PHKA2: variants seen among roughly 807,000 people sequenced by gnomAD.
PHKA2 encodes phosphorylase b kinase regulatory subunit alpha, liver isoform.
In PHKA2, 31 loss-of-function variants were observed where a neutral mutation model predicts 102.0. The observed-to-expected ratio is 0.30, with a 90% confidence interval of 0.23 to 0.41. The LOEUF is 0.41. Among genes scored for constraint, PHKA2 ranks in the 10% least tolerant of loss-of-function variants. The probability of loss-of-function intolerance (pLI) is 1.00; values close to 1 mark genes in which losing one functional copy is unlikely to be tolerated. For synonymous variants in PHKA2, 455 were observed against 416.2 expected, an observed-to-expected ratio of 1.09 and a Z score of -1.13; for missense variants, 858 against 1,023.1, an observed-to-expected ratio of 0.84 and a Z score of 2.20.
chrX:18,908,700 T>C, intron 21 of PHKA2, 101 bp downstream of exon 21: 1 of 784,029 alleles, frequency 1.3e-6, no homozygotes, highest in Non-Finnish European at 1.9e-6. Context: ...GAGTTTCAAC[T>C]TCCCAGCCTC....
chrX:18,951,082 G>C (rs1234470948), intron 4 of PHKA2, 22 bp downstream of exon 4: 1 of 1,206,771 alleles, frequency 8.3e-7, no homozygotes, highest in South Asian at 1.8e-5. Flanking sequence ...TTATACAATG[G>C]GCTCCAGCAA....
At chrX:18,969,396 G>A (rs2048989268) in intron 1 of PHKA2, among the ~76,000 whole-genome samples, 1 of 111,730 alleles carries the variant, frequency 9.0e-6, no homozygotes, top group Non-Finnish European at 1.9e-5. Context: ...ACTTCGGTGT[G>A]CAGCGGAAGT....
rs1407323782 is a variant in PHKA2 at position 18,892,627 on chromosome X, C to T, written c.*858G>A. ...CTGCTGACTTGTGCTCACCCTATGACGCCTCGCCCAGAGCACAGGAGGACA... is the reference window on the plus strand; with the variant it reads ...CTGCTGACTTGTGCTCACCCTATGATGCCTCGCCCAGAGCACAGGAGGACA... On this transcript the variant is annotated 3_prime_UTR_variant, in exon 33 of 33. Transcript: ENST00000379942. 1.4e-4 allele frequency: 16 copies of T among 112,399 alleles called. No homozygotes were observed. The highest frequency in any genetic ancestry group is 2.6e-4 in the Non-Finnish European group (14 of 53,342). 9.3% of individuals were successfully genotyped at this position (112,399 alleles called of 1,213,427 possible). A position where few individuals can be genotyped will look rare whatever the true frequency, so the allele number is the denominator to read the frequency against.
Position 18,951,189 on chromosome X carries a change from C to G in PHKA2, c.369G>C (p.Thr123=), listed in dbSNP as rs762945500. 8 of 1,209,510 alleles carry G rather than the reference C, an allele frequency of 6.6e-6. No homozygotes were observed. The African/African-American group carries it at 8.7e-5, about 13-fold the overall frequency. ...HAKYNTATCG[T]VVGDDQWGHL... ...GGCCCCACTGGTCGTCGCCCACCACCGTGCCACAGGTGGCGGTGTTGTACT... is the reference window on the plus strand; with the variant it reads ...GGCCCCACTGGTCGTCGCCCACCACGGTGCCACAGGTGGCGGTGTTGTACT... The change falls in exon 4 of 33, where the codon ACG becomes ACC. Residue 123 remains threonine, a synonymous_variant. Coordinates refer to ENST00000379942, the MANE Select transcript of PHKA2 (RefSeq NM_000292.3).
chrX:18,952,183 TAC>T (rs1185846195), intron 3 of PHKA2, among the ~76,000 whole-genome samples: 1 of 31,052 alleles, frequency 3.2e-5, no homozygotes, highest in African/African-American at 1.4e-4. Context: ...ATATTGTATC[TAC>T]AAAAAAAAAA....
intron 11 of PHKA2, among the ~76,000 whole-genome samples, chrX:18,933,294 G>A (rs1857141561): frequency 8.9e-6 from 1 of 112,214 alleles, no homozygotes; most frequent in Non-Finnish European, 1.9e-5. Flanking sequence ...ACTGCCCACA[G>A]GTCCTCAAAG....
chrX:18,936,345 G>A (rs760603905), intron 10 of PHKA2, among the ~76,000 whole-genome samples, 195 bp from the exon 11 acceptor site: 10 of 111,867 alleles, frequency 8.9e-5, no homozygotes, highest in Admixed American at 5.7e-4. Flanking sequence ...AAACACGATC[G>A]GCTATTCCTC....
At chrX:18,959,608 A>C (rs1569331463) in intron 1 of PHKA2, among the ~76,000 whole-genome samples, 1 of 111,413 alleles carries the variant, frequency 9.0e-6, no homozygotes, top group African/African-American at 3.3e-5. Context: ...CATTCATATA[A>C]ATTTTCTCTG....
At chrX:18,927,960 T>C (rs1249699089) in intron 13 of PHKA2, among the ~76,000 whole-genome samples, 3 of 112,331 alleles carry the variant, frequency 2.7e-5, no homozygotes, top group African/African-American at 9.7e-5. Context: ...TTTCTGAAAC[T>C]GCACTTCCCC....
chrX:18,965,267 G>A (rs1051930730), intron 1 of PHKA2, among the ~76,000 whole-genome samples: 1 of 111,638 alleles, frequency 9.0e-6, no homozygotes, highest in African/African-American at 3.3e-5. Flanking sequence ...TTACTGAGAT[G>A]TAAGTCCTGA....
In PHKA2 at chrX:18,895,144, G is replaced by A. The variant is rs749097024; in HGVS notation, c.3330C>T (p.Thr1110=). The change falls in exon 31 of 33, where the codon ACC becomes ACT. Residue 1110 remains threonine, a synonymous_variant. Transcript: ENST00000379942. ...IDGYVLPSST[T]REMTPHEIKF... ...TGCGTTTTTCTCATCGTACCTCTCG[G>A]GTCGTCGAGGATGGGAGGACATAAC... 13 of 1,209,086 alleles carry A rather than the reference G, an allele frequency of 1.1e-5. No individual in the cohort carries two copies. Among genetic ancestry groups the A allele is most frequent in the Non-Finnish European group, 1.5e-5 (13 of 894,315 alleles).
chrX:18,918,921 T>G, intron 18 of PHKA2, 67 bp from the exon 19 acceptor site: 1 of 973,600 alleles, frequency 1.0e-6, no homozygotes, highest in South Asian at 1.9e-5. Flanking sequence ...TACACAATAG[T>G]GACCATGGGT....
intron 23 of PHKA2, 73 bp from the exon 24 acceptor site, chrX:18,906,887 C>G: frequency 9.7e-7 from 1 of 1,033,170 alleles, no homozygotes; most frequent in Non-Finnish European, 1.4e-6. Flanking sequence ...CCATGGAACA[C>G]CCTTATTTTC....
Position 18,901,520 on chromosome X carries a change from T to A in PHKA2, c.2992A>T (p.Ser998Cys). 1 of 1,201,556 alleles carries A rather than the reference T, an allele frequency of 8.3e-7. No individual in the cohort carries two copies. Among genetic ancestry groups the A allele is most frequent in the Non-Finnish European group, 1.1e-6 (1 of 886,267 alleles). Residue 998 changes from serine (S) to cysteine (C), a missense_variant, in exon 27 of 33, where the codon AGT becomes TGT. Physicochemically the swap from Ser to Cys is moderately radical, Grantham distance 112. This residue lies in a region of PHKA2 where 671 missense variants were observed against 745.2 expected (regional missense o/e 0.90). Transcript: ENST00000379942. Reference protein sequence around the residue: ...GHTGVTKTERSGINRLRSEMK... With the variant: ...GHTGVTKTERCGINRLRSEMK... ...TCACTCCTCAGTCTGTTAATGCCAC[T>A]CCTCTCAGTTTTGGTGACTCCGGTA...
chrX:18,948,889 C>T (rs1024707220), intron 4 of PHKA2, 63 bp from the exon 5 acceptor site: 5 of 717,843 alleles, frequency 7.0e-6, no homozygotes, highest in Non-Finnish European at 1.1e-5. Context: ...TCACAAATTA[C>T]AAATATCACA....
At chrX:18,931,776 G>A (rs1262334532) in intron 11 of PHKA2, 28 bp from the exon 12 acceptor site, 1 of 998,743 alleles carries the variant, frequency 1.0e-6, no homozygotes, top group Non-Finnish European at 1.4e-6. Context: ...TCCAAAGTCA[G>A]AAAGTCAGAG....
intron 24 of PHKA2, 43 bp downstream of exon 24, chrX:18,906,693 T>G: frequency 8.4e-7 from 1 of 1,185,970 alleles, no homozygotes; most frequent in Non-Finnish European, 1.1e-6. Context: ...CCCTCCACTC[T>G]GAGGAAGGCT....
intron 19 of PHKA2, among the ~76,000 whole-genome samples, chrX:18,913,193 G>A (rs1204680596): frequency 1.8e-5 from 2 of 111,379 alleles, no homozygotes; most frequent in Admixed American, 9.6e-5. Flanking sequence ...GACTGGGTGA[G>A]TGGTGAGTGA....
rs1384248635 is a variant in PHKA2 at position 18,948,792 on chromosome X, G to A, written c.489C>T (p.Ala163=). ...TGTAAAAGACAAGATTCTGTATGAA[G>A]GCCACCTCATCGAGAGTGAAAATGA... ...LRIIFTLDEV[A]FIQNLVFYIE... The change falls in exon 5 of 33, where the codon GCC becomes GCT. Residue 163 remains alanine, a synonymous_variant. Transcript: ENST00000379942. 2.5e-6 allele frequency: 3 copies of A among 1,195,197 alleles called. No homozygotes were observed. In the African/African-American group the frequency reaches 5.3e-5, roughly 21 times the overall value.
Sources: gnomAD v4.1 joint callset for allele counts (sites outside exome capture counted in the v4.1 genomes callset) on GRCh38, gnomAD v4.1.1 for gene constraint, gnomAD v4.1.1 regional missense constraint, MANE v1.5 for transcripts, NCBI Gene and HGNC (gene_info 2026-07-23, HGNC 2026-07-21) for gene names.